CARD9: variants seen among roughly 807,000 people sequenced by gnomAD.
CARD9 encodes the protein caspase recruitment domain family member 9.
Under a neutral mutation model 66.0 loss-of-function variants are expected in CARD9, and 53 were observed. The observed-to-expected ratio is 0.80, with a 90% CI of 0.64 to 1.01. The LOEUF is 1.01. CARD9 is among the 50% of genes least tolerant of loss of function. The pLI is 0.00. For synonymous variants in CARD9, 387 were observed against 313.8 expected (o/e 1.23, Z -2.47); for missense variants, 769 against 743.2 (o/e 1.03, Z -0.40).
rs780268681 is a variant in CARD9, at chr9:136,371,962, G to A, written c.117C>T (p.Val39=). 12 of 1,612,386 alleles carry A rather than the reference G, an allele frequency of 7.4e-6. No individual in the cohort carries two copies. The highest frequency in any genetic ancestry group is 1.3e-5 in the African/African-American group (1 of 74,926). Residue 39 remains valine, a synonymous_variant, in exon 2 of 13, where the codon GTC becomes GTT. Transcript: ENST00000371732. ...CCTGCTCCTCATCATCGGGGTTCAG[G>A]ACCTTGCACTGCCGCAGGTAAGGTG... The part of the protein sequence containing the change: ...RITPYLRQCK[V]LNPDDEEQVL...
chr9:136,369,690 G>A (rs770867277), intron 7 of CARD9, 60 bp downstream of exon 7: 51 of 1,547,112 alleles, frequency 3.3e-5, no homozygotes, highest in Non-Finnish European at 3.8e-5. Context: ...CTCAAGGGCC[G>A]TGGCCCTGGT....
intron 10 of CARD9, 123 bp downstream of exon 10, chr9:136,366,675 CCT>C: frequency 9.7e-7 from 1 of 1,030,170 alleles, no homozygotes; most frequent in Non-Finnish European, 1.5e-6. Flanking sequence ...CCCCAGTTTC[CCT>C]GTCTGTGGAG....
chr9:136,369,977 T>G (rs1588724158), intron 6 of CARD9, 102 bp from the exon 7 acceptor site: 1 of 1,570,176 alleles, frequency 6.4e-7, no homozygotes, highest in East Asian at 2.3e-5. Context: ...GTCAGGCCAG[T>G]TGGGATGTCG....
chr9:136,364,926 A>G (rs1833083351), intron 11 of CARD9: 1 of 600,088 alleles, frequency 1.7e-6, no homozygotes, highest in South Asian at 2.0e-5. Flanking sequence ...TCCACGTCCA[A>G]AAAGCCCCCC....
At chr9:136,371,552 TG>T in intron 2 of CARD9, 91 bp from the exon 3 acceptor site, 2 of 1,507,168 alleles carry the variant, frequency 1.3e-6, no homozygotes, top group Non-Finnish European at 1.8e-6. Context: ...AGGTGGAGGC[TG>T]GCATGCAGAT....
chr9:136,364,496 C>G lies in CARD9; in HGVS notation c.1498G>C (p.Glu500Gln). 1 of 1,540,040 alleles carries G rather than the reference C, an allele frequency of 6.5e-7. No homozygotes were observed. The highest frequency in any genetic ancestry group is 2.4e-5 in the East Asian group (1 of 40,992). Reference sequence around the variant, plus strand: ...CCGCCCGCCTACCTGCGGTAGTTCTCAAAACTCTCTTTGAGGCGCCGCCGC... The same window carrying G: ...CCGCCCGCCTACCTGCGGTAGTTCTGAAAACTCTCTTTGAGGCGCCGCCGC... Reference protein sequence around the residue: ...KERRRLKESFENYRRKRALRK... With the variant: ...KERRRLKESFQNYRRKRALRK... The change falls in exon 12 of 13, where the codon GAG (glutamate) becomes CAG (glutamine). Residue 500 changes from glutamate (E) to glutamine (Q), a missense_variant. By Grantham distance (29) the Glu-to-Gln change is conservative. Transcript: ENST00000371732.
At chr9:136,369,931 T>C (rs1346883749) in intron 6 of CARD9, 56 bp from the exon 7 acceptor site, 2 of 1,603,580 alleles carry the variant, frequency 1.2e-6, no homozygotes, top group Non-Finnish European at 1.7e-6. Context: ...TTCTGGCCCT[T>C]GGGGTATACT....
intron 2 of CARD9, 41 bp from the exon 3 acceptor site, chr9:136,371,502 G>A (rs752274083): frequency 1.9e-6 from 3 of 1,539,934 alleles, no homozygotes; most frequent in East Asian, 2.4e-5. Flanking sequence ...GGGCACAGGC[G>A]AGGCAGAGGG....
chr9:136,370,935 C>G lies in CARD9; in HGVS notation c.533G>C (p.Cys178Ser). 1 of 1,612,428 alleles carries G rather than the reference C, an allele frequency of 6.2e-7. No homozygotes were observed. The change falls in exon 4 of 13, where the codon TGC becomes TCC. Residue 178 changes from cysteine (C) to serine (S), a missense_variant. Physicochemically the swap from Cys to Ser is moderately radical, Grantham distance 112 (BLOSUM62 -1). Transcript: ENST00000371732. ...GGCCAGGTCGTAGTTCTCCTCCTTG[C>G]AGCGCTTGAGCTCGCGGCTGCCGGC... ...CEAGSRELKR[C>S]KEENYDLAMR...
chr9:136,367,999 TG>T, intron 7 of CARD9, 171 bp from the exon 8 acceptor site: 1 of 1,422,144 alleles, frequency 7.0e-7, no homozygotes, highest in Non-Finnish European at 9.2e-7. Context: ...AGTCAGCACG[TG>T]GGGGATTGTA....
chr9:136,364,683 A>C, intron 11 of CARD9, 124 bp from the exon 12 acceptor site: 1 of 948,344 alleles, frequency 1.1e-6, no homozygotes, highest in Non-Finnish European at 1.5e-6. Context: ...AGACAGCCTC[A>C]GCTCAGCGCC....
chr9:136,370,407 T>C lies in CARD9; in HGVS notation c.838A>G (p.Ile280Val). The change falls in exon 6 of 13, where the codon ATC becomes GTC. Residue 280 changes from isoleucine to valine, a missense_variant. Ile to Val is a conservative substitution (Grantham distance 29). Coordinates refer to ENST00000371732, the MANE Select transcript of CARD9 (RefSeq NM_052813.5). ...CGCCAGTCCTCCTCCAGTACCTGGA[T>C]GTAGGGGCTGCTCCTGTCCAGCTTC... is the stretch of plus-strand genomic sequence containing the variant. ...EGKLDRSSPY[I>V]QVLEEDWRQA... 1 of 1,611,240 alleles carries C rather than the reference T, an allele frequency of 6.2e-7. No homozygotes were observed. The highest frequency in any genetic ancestry group is 8.5e-7 in the Non-Finnish European group (1 of 1,179,362).
intron 2 of CARD9, 29 bp downstream of exon 2, chr9:136,371,866 G>C (rs780211473): frequency 3.2e-6 from 5 of 1,571,944 alleles, no homozygotes; most frequent in Non-Finnish European, 4.3e-6. Context: ...GTTGGGTTTG[G>C]GGCCTGGGGC....
rs916468137 is a variant in CARD9, at chr9:136,373,588, G to A, written c.-73C>T. On this transcript the variant is annotated 5_prime_UTR_variant, in exon 1 of 13. Coordinates refer to ENST00000371732, the MANE Select transcript of CARD9 (RefSeq NM_052813.5). ...AGACACACCAGGAGCCTGGGCCGCG[G>A]AGCCTCTGGGAGATGCTGCCCGGGG... 1.1e-5 allele frequency: 11 copies of A among 984,718 alleles called. No individual in the cohort carries two copies. The highest frequency in any genetic ancestry group is 6.2e-5 in the Admixed American group (1 of 16,252). The allele number at this position is 984,718 out of a possible 1,614,324, so 61.0% of individuals were successfully genotyped here.
intron 8 of CARD9, 63 bp from the exon 9 acceptor site, chr9:136,367,320 G>C: frequency 1.3e-6 from 2 of 1,565,142 alleles, no homozygotes; most frequent in Non-Finnish European, 1.8e-6. Flanking sequence ...GGCACAGGGT[G>C]GGCAGGGCAC....
At position 136,372,061 on chromosome 9, in the gene CARD9, G is replaced by A. The variant is rs758482293; in HGVS notation, c.18C>T (p.Asn6=). Residue 6 remains asparagine, a synonymous_variant, in exon 2 of 13, where the codon AAC becomes AAT. Transcript: ENST00000371732. ...CCAGGACGCTCCAGCACTCGTCATC[G>A]TTCTCGTAGTCCGACATGGCCTCAG... is the stretch of plus-strand genomic sequence containing the variant. MSDYE[N]DDECWSVLEG... is the part of the protein sequence containing the mutation. 25 of 1,612,576 alleles carry A rather than the reference G, an allele frequency of 1.6e-5. No individual in the cohort carries two copies. Among genetic ancestry groups the A allele is most frequent in the South Asian group, 8.8e-5 (8 of 91,092 alleles).
rs769711471 is a variant in CARD9 at position 136,370,823 on chromosome 9, C to CG, written c.627+17dup. 1.9e-6 allele frequency: 3 copies of CG among 1,592,758 alleles called. No individual in the cohort carries two copies. The highest frequency in any genetic ancestry group is 1.3e-5 in the African/African-American group (1 of 74,386). On this transcript the variant is annotated intron_variant, in intron 4 of 12. Transcript: ENST00000371732. ...GCCAGGCGAGGGTGGCCTGGTTTCC[C>CG]GGGGGCAGCGGGCGCACCTCCAGCT...
In CARD9 at chr9:136,371,184, C is replaced by T. The variant is rs201728455; in HGVS notation, c.323-39G>A. On this transcript the variant is annotated intron_variant, in intron 3 of 12. Transcript: ENST00000371732. The stretch of plus-strand genomic sequence containing the variant: ...CAGTGTCAGATGGTGCCGTGTTCCC[C>T]GGTGGCCCAGCTCCATCACGCCCTG... 123 of 1,607,046 alleles carry T rather than the reference C, an allele frequency of 7.7e-5. 1 individual carries two copies. The Admixed American group carries it at 7.9e-4, about 10-fold the overall frequency.
At position 136,367,701 on chromosome 9, in the gene CARD9, C is replaced by T. The variant is rs1833157753; in HGVS notation, c.1205G>A (p.Cys402Tyr). ...CTCCACGGCCAGTAGCTGCGCCTCACACTGGAACACCTGCAGCTGCAGCTC... is the reference window on the plus strand; with the variant it reads ...CTCCACGGCCAGTAGCTGCGCCTCATACTGGAACACCTGCAGCTGCAGCTC... ...ADELQLQVFQCEAQLLAVEGR... is the reference protein window; with the variant it reads ...ADELQLQVFQYEAQLLAVEGR... The change falls in exon 8 of 13, where the codon TGT becomes TAT. Residue 402 changes from cysteine (C) to tyrosine (Y), a missense_variant. Physicochemically the swap from Cys to Tyr is radical, Grantham distance 194 (BLOSUM62 -2). Transcript: ENST00000371732. 6.2e-7 allele frequency: 1 copy of T among 1,603,314 alleles called. No individual in the cohort carries two copies. The highest frequency in any genetic ancestry group is 8.5e-7 in the Non-Finnish European group (1 of 1,178,974).
Sources: gnomAD v4.1 joint callset for allele counts on GRCh38, gnomAD v4.1.1 for gene constraint, MANE v1.5 for transcripts, NCBI Gene and HGNC (gene_info 2026-07-23, HGNC 2026-07-21) for gene names.